DSCAML1: variants seen among roughly 807,000 people sequenced by gnomAD.
DSCAML1 encodes cell adhesion molecule DSCAML1.
In DSCAML1, 38 loss-of-function variants were observed where a neutral mutation model predicts 200.5. The observed-to-expected ratio is 0.19, with a 90% confidence interval of 0.15 to 0.25. DSCAML1 has a LOEUF of 0.25. Among genes scored for constraint, DSCAML1 ranks in the 10% least tolerant of loss-of-function variants. The pLI is 1.00. For synonymous variants in DSCAML1, 1,215 were observed against 1,165.0 expected, an observed-to-expected ratio of 1.04 and a Z score of -0.87; for missense variants, 2,223 against 2,858.8, an observed-to-expected ratio of 0.78 and a Z score of 5.07.
chr11:117,522,020 C>G (rs993832759), intron 5 of DSCAML1, among the ~76,000 whole-genome samples: 7 of 152,226 alleles, frequency 4.6e-5, no homozygotes, highest in African/African-American at 1.7e-4. Context: ...ATTTGAGGCC[C>G]TCAAGGCCCT....
chr11:117,687,185 TCA>T (rs2053414213), intron 3 of DSCAML1, among the ~76,000 whole-genome samples: 1 of 152,108 alleles, frequency 6.6e-6, no homozygotes, highest in African/African-American at 2.4e-5. Context: ...GCCAAAGAGA[TCA>T]CAGGTAAAGA....
chr11:117,585,369 C>T (rs909728252), intron 3 of DSCAML1, among the ~76,000 whole-genome samples: 1 of 152,070 alleles, frequency 6.6e-6, no homozygotes, highest in Non-Finnish European at 1.5e-5. Flanking sequence ...CTTGCCTCAG[C>T]CTCCTGAGTA....
chr11:117,649,165 C>T (rs1475713030), intron 3 of DSCAML1, among the ~76,000 whole-genome samples: 1 of 151,766 alleles, frequency 6.6e-6, no homozygotes, highest in African/African-American at 2.4e-5. Flanking sequence ...CAACCTCCGC[C>T]TCCCAGGGTT....
chr11:117,465,742 TTGAATGAATGAATGAA>T (rs57457586), intron 16 of DSCAML1, among the ~76,000 whole-genome samples: 31 of 150,472 alleles, frequency 2.1e-4, no homozygotes, highest in South Asian at 8.6e-4. Context: ...TCAATACATA[TTGAATGAATGAATGAA>T]TGAATGAATG....
In DSCAML1 at chr11:117,577,507, CTCCTTCCTTCCTTCCT is replaced by C. The variant is rs766326528; in HGVS notation, c.512-45001_512-44986del. Among the ~76,000 whole-genome samples, 3 of 32,428 alleles carry C rather than the reference CTCCTTCCTTCCTTCCT, an allele frequency of 9.3e-5. No homozygotes were observed. The East Asian group carries it at 3.0e-3, about 32-fold the overall frequency. The allele number at this position is 32,428 out of a possible 152,430, so 21.3% of individuals were successfully genotyped here. ...CTTCCTTCCTTCCTTCCTTCCTTCC[CTCCTTCCTTCCTTCCT>C]TCCTTCCTTCCTTTCCTTCCTTCCC... is the stretch of plus-strand genomic sequence containing the variant. On this transcript the variant is annotated intron_variant, in intron 3 of 32. Coordinates refer to ENST00000651296, the MANE Select transcript of DSCAML1 (RefSeq NM_020693.4).
chr11:117,619,673 G>GA (rs202209686), intron 3 of DSCAML1, among the ~76,000 whole-genome samples: 15 of 149,688 alleles, frequency 1.0e-4, no homozygotes, highest in Non-Finnish European at 1.9e-4. Context: ...ATGAAGATTT[G>GA]AAAAAAAAAT....
chr11:117,452,507 C>T (rs1469498739), intron 19 of DSCAML1, among the ~76,000 whole-genome samples: 3 of 152,148 alleles, frequency 2.0e-5, no homozygotes, highest in East Asian at 1.9e-4. Context: ...TTAGACATCT[C>T]CTGTAAACAG....
At position 117,428,392 on chromosome 11, in the gene DSCAML1, G is replaced by C. The variant is rs776993235; in HGVS notation, c.6098C>G (p.Ser2033Trp). 1.3e-6 allele frequency: 2 copies of C among 1,584,350 alleles called. No individual in the cohort carries two copies. The highest frequency in any genetic ancestry group is 1.7e-6 in the Non-Finnish European group (2 of 1,169,176). The part of the protein sequence containing the change: ...SRDSLLEMST[S>W]GVGRSQKQGA... Reference sequence around the variant, plus strand: ...CTGCTTCTGAGACCTCCCTACCCCCGATGTGCTCATCTCGAGAAGCGAGTC... The same window carrying C: ...CTGCTTCTGAGACCTCCCTACCCCCCATGTGCTCATCTCGAGAAGCGAGTC... Residue 2033 changes from serine (S) to tryptophan (W), a missense_variant, in exon 33 of 33, where the codon TCG becomes TGG. Ser to Trp is a radical substitution (Grantham distance 177). This residue lies in a region of DSCAML1 where 280 missense variants were observed against 213.4 expected (regional missense o/e 1.31). Transcript: ENST00000651296.
intron 28 of DSCAML1, 45 bp from the exon 29 acceptor site, chr11:117,433,301 G>C (rs759762226): frequency 6.3e-7 from 1 of 1,576,962 alleles, no homozygotes; most frequent in East Asian, 2.2e-5. Flanking sequence ...AGCCATAAGG[G>C]GTTGGGGAAG....
intron 3 of DSCAML1, among the ~76,000 whole-genome samples, chr11:117,601,364 G>A (rs1450538352): frequency 6.6e-6 from 1 of 152,172 alleles, no homozygotes; most frequent in Non-Finnish European, 1.5e-5. Flanking sequence ...TTGAGGAGGG[G>A]ACAAAGACTC....
In DSCAML1 at chr11:117,811,330, C is replaced by T. The variant is rs1591527506; in HGVS notation, c.-250+6060G>A. 1.3e-5 allele frequency among the ~76,000 whole-genome samples: 2 copies of T among 152,130 alleles called. 1 individual carries two copies. The highest frequency in any genetic ancestry group is 4.2e-4 in the South Asian group (2 of 4,818). Reference sequence around the variant, plus strand: ...TATACATTTTATTACCCAATCTGCTCCCGACATTAAATAAAACTCCAAAAA... The same window carrying T: ...TATACATTTTATTACCCAATCTGCTTCCGACATTAAATAAAACTCCAAAAA... On this transcript the variant is annotated intron_variant, in intron 1 of 2. Coordinates refer to the DSCAML1 transcript ENST00000525836.
chr11:117,653,798 A>T (rs1328707841), intron 3 of DSCAML1, among the ~76,000 whole-genome samples: 1 of 152,240 alleles, frequency 6.6e-6, no homozygotes, highest in Admixed American at 6.5e-5. Context: ...AAAGGGAGAA[A>T]CAACCAAAAT....
At chr11:117,538,638 C>T (rs2050209823) in intron 3 of DSCAML1, among the ~76,000 whole-genome samples, 1 of 152,158 alleles carries the variant, frequency 6.6e-6, no homozygotes, top group Non-Finnish European at 1.5e-5. Context: ...GCTTTCGAGA[C>T]TCCCTGGAGC....
chr11:117,529,316 G>A (rs1041886650), intron 4 of DSCAML1, among the ~76,000 whole-genome samples: 2 of 152,124 alleles, frequency 1.3e-5, no homozygotes, highest in Non-Finnish European at 2.9e-5. Context: ...GTCCTCAAGT[G>A]AGCCACCTGC....
At chr11:117,810,071 T>C (rs532602350) in intron 1 of DSCAML1, among the ~76,000 whole-genome samples, 1 of 148,174 alleles carries the variant, frequency 6.7e-6, no homozygotes, top group Non-Finnish European at 1.5e-5. Context: ...ACACACTCAC[T>C]TACACATTCG....
At chr11:117,548,682 C>T (rs1239638972) in intron 3 of DSCAML1, among the ~76,000 whole-genome samples, 1 of 152,140 alleles carries the variant, frequency 6.6e-6, no homozygotes, top group Non-Finnish European at 1.5e-5. Flanking sequence ...GCTGGGAATT[C>T]CCGAGTGCAC....
chr11:117,689,137 T>G (rs1301498758), intron 3 of DSCAML1, among the ~76,000 whole-genome samples: 1 of 152,198 alleles, frequency 6.6e-6, no homozygotes. Flanking sequence ...CCAGTTTTAC[T>G]GATGAGGAAA....
chr11:117,601,488 C>T (rs1432736350), intron 3 of DSCAML1, among the ~76,000 whole-genome samples: 4 of 152,116 alleles, frequency 2.6e-5, no homozygotes, highest in Admixed American at 6.5e-5. Flanking sequence ...TGTGGAAGCT[C>T]CAGAAACACT....
chr11:117,718,668 A>AACCC (rs1491277934), intron 3 of DSCAML1, among the ~76,000 whole-genome samples: 16 of 25,784 alleles, frequency 6.2e-4, no homozygotes, highest in African/African-American at 8.4e-4. Flanking sequence ...AATACTCAAA[A>AACCC]CCCCCCCCCC....
Sources: allele counts gnomAD v4.1 joint callset (sites outside exome capture counted in the v4.1 genomes callset), GRCh38; gene constraint gnomAD v4.1.1; regional missense constraint gnomAD v4.1.1; transcripts MANE v1.5; gene names NCBI Gene and HGNC (gene_info 2026-07-23, HGNC 2026-07-21).